Variants in SNRPA observed in about 807,000 individuals in gnomAD.
The protein encoded by SNRPA is U1 small nuclear ribonucleoprotein A.
In SNRPA, 10 loss-of-function variants were observed where a neutral mutation model predicts 24.5. The ratio of observed to expected loss-of-function variants is 0.41; its 90% CI spans 0.25 to 0.69. SNRPA has a LOEUF of 0.69. Ranked by LOEUF, SNRPA falls within the 30% of genes least tolerant of loss-of-function variation. The pLI, the probability that SNRPA is intolerant of heterozygous loss-of-function variation, is 0.33. For synonymous variants in SNRPA, 165 were observed against 148.4 expected (o/e 1.11, Z -0.81); for missense variants, 283 against 394.7 (o/e 0.72, Z 2.40).
chr19:40,752,387 C>T (rs1288220627), intron 1 of SNRPA, among the ~76,000 whole-genome samples: 1 of 151,200 alleles, frequency 6.6e-6, no homozygotes, highest in Non-Finnish European at 1.5e-5. Context: ...GGTGATGTGA[C>T]TTGCCCAGGG....
At chr19:40,761,547 A>G (rs554577159) in intron 3 of SNRPA, among the ~76,000 whole-genome samples, 45 of 138,500 alleles carry the variant, frequency 3.2e-4, no homozygotes, top group African/African-American at 1.1e-3. Flanking sequence ...GCTCTCTGCA[A>G]CCTGCGCTTC....
At chr19:40,758,396 C>T (rs1227082697) in intron 2 of SNRPA, among the ~76,000 whole-genome samples, 1 of 152,164 alleles carries the variant, frequency 6.6e-6, no homozygotes, top group Non-Finnish European at 1.5e-5. Context: ...CCTTAAACAG[C>T]TAAGTGAGTG....
chr19:40,751,552 C>T, intron 1 of SNRPA, 71 bp downstream of exon 1: 1 of 1,103,190 alleles, frequency 9.1e-7, no homozygotes, highest in Non-Finnish European at 1.4e-6. Flanking sequence ...CCCCTGCACC[C>T]GCCTCTCTTT....
rs747928966 is a variant in SNRPA at position 40,759,508 on chromosome 19, G to A, written c.324G>A (p.Arg108=). Residue 108 remains arginine (R), a synonymous_variant, in exon 3 of 6, where the codon CGG becomes CGA. Transcript: ENST00000243563. ...CCTTCGTGGAGCGGGACCGCAAGCG[G>A]GAGAAGAGGAAGCCCAAGAGCCAGG... ...KGTFVERDRK[R]EKRKPKSQET... is the part of the protein sequence containing the mutation. 6.2e-7 allele frequency: 1 copy of A among 1,614,032 alleles called. No homozygotes were observed. The highest frequency in any genetic ancestry group is 1.6e-4 in the Middle Eastern group (1 of 6,062).
In SNRPA at chr19:40,765,110, G is replaced by A; in HGVS notation, c.792G>A (p.Leu264=). The A allele has an allele frequency of 1.3e-6, 2 of 1,583,604 alleles. No homozygotes were observed. The highest frequency in any genetic ancestry group is 1.7e-6 in the Non-Finnish European group (2 of 1,166,856). The change falls in exon 6 of 6, where the codon CTG becomes CTA. Residue 264 remains leucine, a synonymous_variant. Coordinates refer to ENST00000243563, the MANE Select transcript of SNRPA (RefSeq NM_004596.5). The part of the protein sequence containing the change: ...EVQAGAARDA[L]QGFKITQNNA... ...AGGCAGGGGCAGCTCGCGATGCCCT[G>A]CAGGGCTTTAAGATCACGCAGAACA...
At chr19:40,760,800 G>A (rs927224941) in intron 3 of SNRPA, among the ~76,000 whole-genome samples, 25 of 152,250 alleles carry the variant, frequency 1.6e-4, no homozygotes, top group Middle Eastern at 3.4e-3. Context: ...AAAACTGGGC[G>A]TGGTGACTCA....
rs181890537 is a variant in SNRPA at position 40,761,497 on chromosome 19, C to G, written c.427-1404C>G. ...TTTTTTTTTTTTTGAGACAGAGCCT[C>G]GCTCTGTAGTCCAGGCTGGAGTGCA... On this transcript the variant is annotated intron_variant, in intron 3 of 5. Transcript: ENST00000243563. 3.4e-3 allele frequency among the ~76,000 whole-genome samples: 379 copies of G among 113,086 alleles called. 2 individuals are homozygous for G. The highest frequency in any genetic ancestry group is 4.6e-3 in the Non-Finnish European group (275 of 59,594). The allele number at this position is 113,086 out of a possible 152,430, so 74.2% of individuals were successfully genotyped here. A position where few individuals can be genotyped will look rare whatever the true frequency, so the allele number is the denominator to read the frequency against.
rs2082912711 is a variant in SNRPA, at chr19:40,757,325, A to C, written c.74-7A>C. On this transcript the variant is annotated splice_polypyrimidine_tract_variant and splice_region_variant and intron_variant, in intron 1 of 5. Transcript: ENST00000243563. ...GAGCTCAAAGGTCTTTTTTTCCCCC[A>C]CTGCAGAGCTAAAAAAGTCCCTGTA... is the stretch of plus-strand genomic sequence containing the variant. 6.2e-7 allele frequency: 1 copy of C among 1,613,484 alleles called. No individual in the cohort carries two copies. The highest frequency in any genetic ancestry group is 8.5e-7 in the Non-Finnish European group (1 of 1,179,794).
chr19:40,753,434 T>C lies in SNRPA; in HGVS notation c.73+1953T>C, dbSNP rs556814195. On this transcript the variant is annotated intron_variant, in intron 1 of 5. Coordinates refer to ENST00000243563, the MANE Select transcript of SNRPA (RefSeq NM_004596.5). ...TTTTTTGAGGCAGAGTTTCACTCTG[T>C]CACCCAGGCTGGAGTGCAGTGGCAC... Among the ~76,000 whole-genome samples the C allele has an allele frequency of 2.1e-4, 23 of 110,732 alleles. No individual in the cohort carries two copies. In the South Asian group the frequency reaches 8.2e-3, roughly 39 times the overall value. 72.6% of individuals were successfully genotyped at this position (110,732 alleles called of 152,430 possible).
intron 1 of SNRPA, among the ~76,000 whole-genome samples, chr19:40,752,659 G>T (rs1311137590): frequency 6.6e-6 from 1 of 151,626 alleles, no homozygotes; most frequent in African/African-American, 2.4e-5. Context: ...GGCTGAAGTG[G>T]GAGGATCGCT....
intron 1 of SNRPA, among the ~76,000 whole-genome samples, chr19:40,755,225 C>T (rs1287175351): frequency 2.0e-5 from 3 of 150,980 alleles, no homozygotes; most frequent in Non-Finnish European, 4.4e-5. Flanking sequence ...TACAAGCGCC[C>T]TCCACCACGC....
intron 2 of SNRPA, among the ~76,000 whole-genome samples, chr19:40,759,036 T>G (rs1201534164): frequency 6.6e-6 from 1 of 151,052 alleles, no homozygotes; most frequent in Non-Finnish European, 1.5e-5. Context: ...GGTGAAACCC[T>G]GTCTCTACTA....
chr19:40,756,049 G>T (rs1360295115), intron 1 of SNRPA, among the ~76,000 whole-genome samples: 1 of 152,016 alleles, frequency 6.6e-6, no homozygotes. Context: ...AAGGCAGGAG[G>T]ATCACTGGAG....
Position 40,760,701 on chromosome 19 carries a change from G to C in SNRPA, c.426+1091G>C, listed in dbSNP as rs567968630. ...TGCCTGTAATCCCAGCACTTTGGGA[G>C]GCCAAGATAGGAGGATTGCTTTAGG... On this transcript the variant is annotated intron_variant, in intron 3 of 5. Transcript: ENST00000243563. 4.6e-5 allele frequency among the ~76,000 whole-genome samples: 7 copies of C among 152,320 alleles called. No homozygotes were observed. The South Asian group carries it at 1.2e-3, about 27-fold the overall frequency.
chr19:40,753,488 C>T (rs113273976), intron 1 of SNRPA, among the ~76,000 whole-genome samples: 16,896 of 135,332 alleles, frequency 0.12, 980 homozygotes, highest in Middle Eastern at 0.24. Context: ...CCTCTGCCTC[C>T]CAGGTTCAAG....
rs200242370 is a variant in SNRPA at position 40,761,458 on chromosome 19, C to CTTTTT, written c.427-1421_427-1417dup. Reference sequence around the variant, plus strand: ...TCTCTTTTCTTTTCTTTTTCTTTTTCTTTTTTTTTTTTTTTTTTTTTTTTT... The same window carrying CTTTTT: ...TCTCTTTTCTTTTCTTTTTCTTTTTCTTTTTTTTTTTTTTTTTTTTTTTTTTTTTT... On this transcript the variant is annotated intron_variant, in intron 3 of 5. Coordinates refer to ENST00000243563, the MANE Select transcript of SNRPA (RefSeq NM_004596.5). 8.7e-4 allele frequency among the ~76,000 whole-genome samples: 75 copies of CTTTTT among 85,876 alleles called. 1 individual carries two copies. The highest frequency in any genetic ancestry group is 1.4e-3 in the South Asian group (3 of 2,172). 56.3% of individuals were successfully genotyped at this position (85,876 alleles called of 152,430 possible). A position where few individuals can be genotyped will look rare whatever the true frequency, so the allele number is the denominator to read the frequency against.
chr19:40,762,827 A>G, intron 3 of SNRPA, 74 bp from the exon 4 acceptor site: 1 of 1,474,876 alleles, frequency 6.8e-7, no homozygotes, highest in Non-Finnish European at 9.3e-7. Flanking sequence ...CTCACCCGCT[A>G]GGTTTCCTTT....
chr19:40,764,723 G>T (rs1014074580), intron 5 of SNRPA, among the ~76,000 whole-genome samples: 2 of 152,122 alleles, frequency 1.3e-5, no homozygotes, highest in African/African-American at 4.8e-5. Flanking sequence ...TTGGTGTGGC[G>T]GGTGGGTTAT....
intron 1 of SNRPA, among the ~76,000 whole-genome samples, chr19:40,753,793 T>TTTTA (rs975120847): frequency 1.3e-5 from 2 of 151,322 alleles, no homozygotes; most frequent in Non-Finnish European, 2.9e-5. Flanking sequence ...TTAAATCTTA[T>TTTTA]TTTATTTATT....
Sources: allele counts gnomAD v4.1 joint callset (sites outside exome capture counted in the v4.1 genomes callset), GRCh38; gene constraint gnomAD v4.1.1; transcripts MANE v1.5; gene names NCBI Gene and HGNC (gene_info 2026-07-23, HGNC 2026-07-21).